Variants in CEP112 observed in about 807,000 individuals in gnomAD.
CEP112 encodes centrosomal protein of 112 kDa.
Under a neutral mutation model 153.0 loss-of-function variants are expected in CEP112, and 127 were observed. The ratio of observed to expected loss-of-function variants is 0.83; its 90% CI spans 0.72 to 0.96. The LOEUF (loss-of-function observed/expected upper bound fraction) is 0.96, where lower values mean the gene tolerates loss of function less well. CEP112 is among the 40% of genes least tolerant of loss of function. The pLI is 0.00. For synonymous variants in CEP112, 358 were observed against 374.4 expected (o/e 0.96, Z 0.51); for missense variants, 1,089 against 1,101.2 (o/e 0.99, Z 0.16).
At chr17:65,701,428 T>TA (rs1312316408) in intron 23 of CEP112, among the ~76,000 whole-genome samples, 1 of 152,190 alleles carries the variant, frequency 6.6e-6, no homozygotes, top group African/African-American at 2.4e-5. Flanking sequence ...GCTTGACCAT[T>TA]AGAGTATGGT....
At chr17:66,092,641 G>A (rs1439943423) in intron 8 of CEP112, among the ~76,000 whole-genome samples, 1 of 152,118 alleles carries the variant, frequency 6.6e-6, no homozygotes, top group Non-Finnish European at 1.5e-5. Context: ...TTAGCCAACT[G>A]AATTCAACAG....
At chr17:65,936,585 A>C (rs573798216) in intron 18 of CEP112, among the ~76,000 whole-genome samples, 2 of 152,286 alleles carry the variant, frequency 1.3e-5, no homozygotes, top group East Asian at 3.9e-4. Context: ...TCAGCTAACC[A>C]CGATCAAGAG....
At chr17:65,849,113 A>G (rs1203224795) in intron 21 of CEP112, among the ~76,000 whole-genome samples, 1 of 152,214 alleles carries the variant, frequency 6.6e-6, no homozygotes, top group African/African-American at 2.4e-5. Context: ...TCCTGAAGCT[A>G]TCTTAGCTTG....
chr17:65,746,685 G>T (rs932265149), intron 22 of CEP112, among the ~76,000 whole-genome samples: 3 of 151,966 alleles, frequency 2.0e-5, no homozygotes, highest in African/African-American at 7.3e-5. Context: ...TATAATCATG[G>T]TAAGTAATAA....
intron 8 of CEP112, among the ~76,000 whole-genome samples, chr17:66,073,783 A>G (rs1230880876): frequency 6.6e-6 from 1 of 152,214 alleles, no homozygotes; most frequent in Non-Finnish European, 1.5e-5. Flanking sequence ...AAGTCTACAC[A>G]ACTTAAAGGT....
chr17:65,917,758 G>A (rs1051982627), intron 19 of CEP112, among the ~76,000 whole-genome samples: 14 of 151,964 alleles, frequency 9.2e-5, no homozygotes, highest in African/African-American at 1.2e-4. Context: ...AGCTCCCCAC[G>A]TGATGTGGGG....
At chr17:65,809,245 A>T (rs951204731) in intron 21 of CEP112, among the ~76,000 whole-genome samples, 2 of 152,218 alleles carry the variant, frequency 1.3e-5, no homozygotes, top group Non-Finnish European at 2.9e-5. Context: ...TGCTGGATCC[A>T]TGTAACTGAG....
intron 21 of CEP112, among the ~76,000 whole-genome samples, chr17:65,776,716 T>C (rs903801782): frequency 3.9e-5 from 6 of 152,212 alleles, no homozygotes; most frequent in Non-Finnish European, 7.3e-5. Context: ...TGATTATATT[T>C]TTAAGATAAA....
intron 18 of CEP112, among the ~76,000 whole-genome samples, chr17:65,941,790 G>GTTT (rs34682208): frequency 1.4e-5 from 2 of 147,872 alleles, no homozygotes; most frequent in Non-Finnish European, 3.0e-5. Context: ...TTGTTTTGTT[G>GTTT]TTTTTTTTTT....
Position 65,848,727 on chromosome 17 carries a change from CAT to C in CEP112, c.2394+3075_2394+3076del, listed in dbSNP as rs1163336354. 2.6e-5 allele frequency among the ~76,000 whole-genome samples: 4 copies of C among 152,222 alleles called. No individual in the cohort carries two copies. In the South Asian group the frequency reaches 6.2e-4, roughly 24 times the overall value. On this transcript the variant is annotated intron_variant, in intron 21 of 26. Coordinates refer to ENST00000535342, the MANE Select transcript of CEP112 (RefSeq NM_001199165.4). ...AAGTGTAGTGTCACTTCAAACTCCA[CAT>C]GTTCTTAACTCAGTTCAGCTTCCTC...
intron 16 of CEP112, among the ~76,000 whole-genome samples, chr17:66,024,118 C>G (rs1471035208): frequency 1.3e-5 from 2 of 152,036 alleles, no homozygotes; most frequent in Non-Finnish European, 2.9e-5. Context: ...AAACTGACCG[C>G]ACCCTAATGA....
At chr17:65,786,150 T>C (rs2054263539) in intron 21 of CEP112, among the ~76,000 whole-genome samples, 2 of 152,240 alleles carry the variant, frequency 1.3e-5, no homozygotes, top group African/African-American at 4.8e-5. Context: ...TTAAATTCTA[T>C]TCCTAAGTAT....
chr17:65,896,148 A>G (rs1263554990), intron 20 of CEP112, among the ~76,000 whole-genome samples: 1 of 152,134 alleles, frequency 6.6e-6, no homozygotes, highest in Non-Finnish European at 1.5e-5. Context: ...CTAAAAGTGG[A>G]CCAAATACCA....
At position 66,124,450 on chromosome 17, in the gene CEP112, T is replaced by A. The variant is rs73992245; in HGVS notation, c.642+5296A>T. 9.4e-3 allele frequency among the ~76,000 whole-genome samples: 1,434 copies of A among 152,298 alleles called. 18 individuals carry two copies. Among genetic ancestry groups the A allele is most frequent in the African/African-American group, 0.032 (1,311 of 41,560 alleles). On this transcript the variant is annotated intron_variant, in intron 6 of 26. Coordinates refer to ENST00000535342, the MANE Select transcript of CEP112 (RefSeq NM_001199165.4). Reference sequence around the variant, plus strand: ...AAATGTTCCTCCCATATTCTTTGCATGAAGAGAGGTTTCTTTTATCTGTTG... The same window carrying A: ...AAATGTTCCTCCCATATTCTTTGCAAGAAGAGAGGTTTCTTTTATCTGTTG...
At chr17:66,030,103 G>A (rs1003268821) in intron 12 of CEP112, 80 bp from the exon 13 acceptor site, 23 of 1,128,500 alleles carry the variant, frequency 2.0e-5, no homozygotes, top group Middle Eastern at 4.1e-4. Flanking sequence ...TGAGGAACAC[G>A]TATAATCTAT....
chr17:66,078,165 A>G (rs1220280627), intron 8 of CEP112, among the ~76,000 whole-genome samples: 1 of 151,594 alleles, frequency 6.6e-6, no homozygotes, highest in Non-Finnish European at 1.5e-5. Context: ...GCTTTGTTGA[A>G]GATCAGTGGG....
chr17:65,852,298 CCCTTCCCTTCCCTTCCCTTT>C (rs1269031151), intron 20 of CEP112, among the ~76,000 whole-genome samples: 893 of 69,814 alleles, frequency 0.013, 27 homozygotes, highest in African/African-American at 0.049. Context: ...CTCCTCCCTT[CCCTTCCCTTCCCTTCCCTTT>C]CCTTCCCTTT....
chr17:65,651,001 T>C (rs1370632882), intron 24 of CEP112, among the ~76,000 whole-genome samples: 1 of 152,116 alleles, frequency 6.6e-6, no homozygotes, highest in South Asian at 2.1e-4. Flanking sequence ...GTAAGTTCTT[T>C]AGTGGTGATT....
rs1264083618 is a variant in CEP112 at position 65,937,552 on chromosome 17, G to A, written c.1873-9863C>T. Among the ~76,000 whole-genome samples the A allele has an allele frequency of 3.9e-3, 348 of 89,684 alleles. 1 individual carries two copies. Among genetic ancestry groups the A allele is most frequent in the Middle Eastern group, 0.031 (5 of 160 alleles). The allele number at this position is 89,684 out of a possible 152,430, so 58.8% of individuals were successfully genotyped here. ...GCCCCTCTGCCCGGCCAGCCGCCCC[G>A]TCCGGGAGGGAGGTGGGGGGGGTCA... On this transcript the variant is annotated intron_variant, in intron 18 of 26. Transcript: ENST00000535342.
Sources: allele counts gnomAD v4.1 joint callset (sites outside exome capture counted in the v4.1 genomes callset), GRCh38; gene constraint gnomAD v4.1.1; transcripts MANE v1.5; gene names NCBI Gene and HGNC (gene_info 2026-07-23, HGNC 2026-07-21).